CREB5: variants seen among roughly 807,000 people sequenced by gnomAD.
CREB5 encodes the protein cAMP responsive element binding protein 5.
In CREB5, 19 loss-of-function variants were observed where a neutral mutation model predicts 57.1. The observed-to-expected ratio is 0.33, with a 90% CI of 0.23 to 0.49. CREB5 has a LOEUF of 0.49. Ranked by LOEUF, CREB5 falls within the 20% of genes least tolerant of loss-of-function variation. CREB5 has a pLI of 0.99. For missense variants in CREB5, 579 were observed against 671.6 expected, an observed-to-expected ratio of 0.86 and a Z score of 1.52; for synonymous variants, 238 against 238.3, an observed-to-expected ratio of 1.00 and a Z score of 0.01.
chr7:28,401,396 T>A (rs932018671), intron 1 of CREB5, among the ~76,000 whole-genome samples: 27 of 151,242 alleles, frequency 1.8e-4, no homozygotes, highest in Middle Eastern at 3.4e-3. Context: ...ATTTTTTTTT[T>A]AATTAATTAA....
At chr7:28,523,243 G>A (rs546065229) in intron 4 of CREB5, among the ~76,000 whole-genome samples, 3 of 152,222 alleles carry the variant, frequency 2.0e-5, no homozygotes, top group Admixed American at 1.3e-4. Context: ...TTAATTACTG[G>A]TATATAAGCC....
chr7:28,762,775 A>G (rs947094834), intron 7 of CREB5, among the ~76,000 whole-genome samples: 1 of 151,378 alleles, frequency 6.6e-6, no homozygotes, highest in Non-Finnish European at 1.5e-5. Context: ...TGACCTCGAT[A>G]CAATATGAAA....
intron 5 of CREB5, among the ~76,000 whole-genome samples, chr7:28,704,297 CCCT>C (rs1397604498): frequency 6.6e-6 from 1 of 152,156 alleles, no homozygotes; most frequent in Non-Finnish European, 1.5e-5. Flanking sequence ...GTTCCTGCTG[CCCT>C]CCTCAGCTAA....
At chr7:28,479,911 A>G (rs1791250603) in intron 1 of CREB5, among the ~76,000 whole-genome samples, 1 of 152,188 alleles carries the variant, frequency 6.6e-6, no homozygotes, top group African/African-American at 2.4e-5. Context: ...ATTCATGCAG[A>G]AAAAGACACA....
intron 4 of CREB5, among the ~76,000 whole-genome samples, chr7:28,533,068 A>C (rs997350730): frequency 6.6e-6 from 1 of 152,236 alleles, no homozygotes; most frequent in Non-Finnish European, 1.5e-5. Context: ...CAGCCTGACC[A>C]TGATGGTGAA....
intron 7 of CREB5, among the ~76,000 whole-genome samples, chr7:28,787,743 C>A (rs547889026): frequency 7.5e-4 from 114 of 152,248 alleles, no homozygotes; most frequent in Non-Finnish European, 9.8e-4. Context: ...TTTATAGAGA[C>A]AGGGTTTGCC....
At chr7:28,433,091 A>G (rs1788796626) in intron 1 of CREB5, among the ~76,000 whole-genome samples, 1 of 152,174 alleles carries the variant, frequency 6.6e-6, no homozygotes, top group African/African-American at 2.4e-5. Context: ...TGCATCATCT[A>G]TTTTGATTTT....
At chr7:28,571,459 G>C (rs1795701437) in intron 5 of CREB5, among the ~76,000 whole-genome samples, 1 of 151,998 alleles carries the variant, frequency 6.6e-6, no homozygotes, top group African/African-American at 2.4e-5. Flanking sequence ...CTGATTTCTG[G>C]AGTAGACAAA....
intron 7 of CREB5, among the ~76,000 whole-genome samples, chr7:28,785,531 G>C (rs1416265280): frequency 1.3e-5 from 2 of 152,270 alleles, no homozygotes; most frequent in Non-Finnish European, 1.5e-5. Context: ...TTTTTTCCAG[G>C]AAAACAGAGC....
chr7:28,416,406 T>G (rs1788027854), intron 1 of CREB5, among the ~76,000 whole-genome samples: 1 of 152,206 alleles, frequency 6.6e-6, no homozygotes, highest in South Asian at 2.1e-4. Flanking sequence ...ACATGTAATC[T>G]CTATTTGCCA....
intron 5 of CREB5, among the ~76,000 whole-genome samples, chr7:28,691,041 G>A (rs1801225234): frequency 6.6e-6 from 1 of 152,228 alleles, no homozygotes; most frequent in Non-Finnish European, 1.5e-5. Context: ...TTACTGCCCT[G>A]TGGCACTGTG....
intron 4 of CREB5, among the ~76,000 whole-genome samples, chr7:28,536,372 T>C: frequency 6.6e-6 from 1 of 152,170 alleles, no homozygotes; most frequent in East Asian, 1.9e-4. Flanking sequence ...AAGGCGCATC[T>C]CCTTGGAATG....
At chr7:28,578,331 A>ATGGCT (rs1795984814) in intron 5 of CREB5, among the ~76,000 whole-genome samples, 1 of 152,106 alleles carries the variant, frequency 6.6e-6, no homozygotes, top group South Asian at 2.1e-4. Context: ...GCAGGTTCAC[A>ATGGCT]TGGCTTGTGG....
rs536651891 is a variant in CREB5, at chr7:28,414,252, T to A, written c.3+1335T>A. Among the ~76,000 whole-genome samples, 4 of 150,884 alleles carry A rather than the reference T, an allele frequency of 2.7e-5. No homozygotes were observed. In the East Asian group the frequency reaches 7.9e-4, roughly 30 times the overall value. Reference sequence around the variant, plus strand: ...TTTCCCATCTATATGCTTCTTTTGCTTCTTACAAATTGGATTTCTACAGCA... The same window carrying A: ...TTTCCCATCTATATGCTTCTTTTGCATCTTACAAATTGGATTTCTACAGCA... On this transcript the variant is annotated intron_variant, in intron 1 of 10. Transcript: ENST00000357727.
chr7:28,691,146 G>A (rs572631886), intron 5 of CREB5, among the ~76,000 whole-genome samples: 3 of 152,280 alleles, frequency 2.0e-5, no homozygotes, highest in Non-Finnish European at 4.4e-5. Context: ...TAGGCCAGGC[G>A]TGGTGACTTG....
At chr7:28,601,168 TA>T (rs1266732297) in intron 5 of CREB5, among the ~76,000 whole-genome samples, 339 of 150,134 alleles carry the variant, frequency 2.3e-3, no homozygotes, top group African/African-American at 7.6e-3. Context: ...TTATTATTAT[TA>T]TTTTTTTTTT....
At chr7:28,314,067 A>G (rs1230888345) in intron 1 of CREB5, among the ~76,000 whole-genome samples, 1 of 152,194 alleles carries the variant, frequency 6.6e-6, no homozygotes, top group Non-Finnish European at 1.5e-5. Context: ...TTTCTAGTGG[A>G]GCTTTGGCCA....
At position 28,822,504 on chromosome 7, in the gene CREB5, A is replaced by G. The variant is rs1471952926; in HGVS notation, c.*3225A>G. On this transcript the variant is annotated 3_prime_UTR_variant, in exon 11 of 11. Transcript: ENST00000357727. ...TCATGAATCAATCATCACGGCCTGC[A>G]GAGCACCTGTCCTAAGGAGGGAAAA... 6.6e-6 allele frequency: 1 copy of G among 152,670 alleles called. No individual in the cohort carries two copies. Among genetic ancestry groups the G allele is most frequent in the Non-Finnish European group, 1.5e-5 (1 of 68,090 alleles). 9.5% of individuals were successfully genotyped at this position (152,670 alleles called of 1,614,324 possible). A position where few individuals can be genotyped will look rare whatever the true frequency, so the allele number is the denominator to read the frequency against.
chr7:28,692,766 CA>C (rs949561878), intron 5 of CREB5, among the ~76,000 whole-genome samples: 1 of 151,696 alleles, frequency 6.6e-6, no homozygotes, highest in Non-Finnish European at 1.5e-5. Context: ...AACTCCATCT[CA>C]AAAAAAACAA....
Sources: gnomAD v4.1 joint callset for allele counts (sites outside exome capture counted in the v4.1 genomes callset) on GRCh38, gnomAD v4.1.1 for gene constraint, MANE v1.5 for transcripts, NCBI Gene and HGNC (gene_info 2026-07-23, HGNC 2026-07-21) for gene names.